The following NOTO variants were observed in gnomAD, a reference collection of about 807,000 sequenced individuals.
NOTO encodes the protein homeobox protein notochord.
Under a neutral mutation model 20.5 loss-of-function variants are expected in NOTO, and 19 were observed. The ratio of observed to expected loss-of-function variants is 0.93; its 90% CI spans 0.65 to 1.36. The LOEUF (loss-of-function observed/expected upper bound fraction) is 1.36. Ranked by LOEUF, NOTO falls within the 40% of genes most tolerant of loss-of-function variation. The pLI is 0.00. For missense variants in NOTO, 369 were observed against 336.2 expected, an observed-to-expected ratio of 1.10 and a Z score of -0.76; for synonymous variants, 150 against 150.2, an observed-to-expected ratio of 1.00 and a Z score of 0.01.
intron 1 of NOTO, among the ~76,000 whole-genome samples, chr2:73,206,647 GT>G (rs1354380249): frequency 6.6e-6 from 1 of 151,900 alleles, no homozygotes; most frequent in African/African-American, 2.4e-5. Flanking sequence ...ACAGCACCAT[GT>G]TAAAATCCTG....
rs1371620310 is a variant in NOTO at position 73,208,569 on chromosome 2, G to A, written c.552G>A (p.Lys184=). ...CAAAACAGCACAATCTGGTGGGGAA[G>A]AAGAGAGCCCAGCTGGCAGCTCGGC... ...VFAKQHNLVG[K]KRAQLAARLK... is the part of the protein sequence containing the mutation. Residue 184 remains lysine, a synonymous_variant, in exon 2 of 3, where the codon AAG becomes AAA. Coordinates refer to ENST00000398468, the MANE Select transcript of NOTO (RefSeq NM_001134462.2). The A allele has an allele frequency of 1.3e-6, 2 of 1,551,574 alleles. No homozygotes were observed. The highest frequency in any genetic ancestry group is 1.4e-5 in the African/African-American group (1 of 73,178).
intron 1 of NOTO, among the ~76,000 whole-genome samples, chr2:73,204,971 C>G (rs1558547058): frequency 6.6e-6 from 1 of 150,604 alleles, no homozygotes; most frequent in African/African-American, 2.5e-5. Context: ...AGCTCCGCCT[C>G]CCGGGTTCAC....
intron 1 of NOTO, among the ~76,000 whole-genome samples, chr2:73,204,864 C>T (rs1426743115): frequency 7.1e-6 from 1 of 140,344 alleles, no homozygotes; most frequent in Non-Finnish European, 1.5e-5. Flanking sequence ...GCACCATGCC[C>T]GGCTAATTTT....
chr2:73,203,161 C>G (rs1686031340), intron 1 of NOTO, 113 bp downstream of exon 1: 7 of 935,166 alleles, frequency 7.5e-6, no homozygotes, highest in Admixed American at 4.2e-5. Context: ...GAATCACACA[C>G]GGCTGGAGTG....
rs959495641 is a variant in NOTO at position 73,202,882 on chromosome 2, C to T, written c.216C>T (p.Ala72=). 5 of 1,527,858 alleles carry T rather than the reference C, an allele frequency of 3.3e-6. No homozygotes were observed. The African/African-American group carries it at 7.1e-5, about 22-fold the overall frequency. The allele number at this position is 1,527,858 out of a possible 1,614,324, so 94.6% of individuals were successfully genotyped here. ...CGGCCTCCCAGCCGTCGGGCTCCGC[C>T]TGCGTCCACCCGGCCTTCTGGACCG... ...APAASQPSGS[A]CVHPAFWTAA... The change falls in exon 1 of 3, where the codon GCC becomes GCT. Residue 72 remains alanine (A), a synonymous_variant. Coordinates refer to ENST00000398468, the MANE Select transcript of NOTO (RefSeq NM_001134462.2).
intron 1 of NOTO, among the ~76,000 whole-genome samples, chr2:73,204,785 ACCT>A (rs1558546947): frequency 6.7e-6 from 1 of 150,336 alleles, no homozygotes; most frequent in Non-Finnish European, 1.5e-5. Context: ...GCTCACTACA[ACCT>A]CCTCCTTCCG....
intron 2 of NOTO, among the ~76,000 whole-genome samples, chr2:73,209,982 C>G (rs757386955): frequency 1.2e-4 from 19 of 152,168 alleles, no homozygotes; most frequent in Admixed American, 2.6e-4. Context: ...CTTCACTTCT[C>G]TCTGTCACCC....
At chr2:73,208,352 A>AT (rs1268036657) in intron 1 of NOTO, 48 bp from the exon 2 acceptor site, 2 of 1,364,082 alleles carry the variant, frequency 1.5e-6, no homozygotes, top group Non-Finnish European at 2.0e-6. Flanking sequence ...CTTCTGGCTA[A>AT]CCTCCCCTGC....
At chr2:73,204,133 G>A (rs1686051624) in intron 1 of NOTO, among the ~76,000 whole-genome samples, 1 of 145,102 alleles carries the variant, frequency 6.9e-6, no homozygotes, top group South Asian at 2.2e-4. Flanking sequence ...AAAAAATTAG[G>A]AGGGCGTGGT....
chr2:73,206,586 A>C (rs1262998991), intron 1 of NOTO, among the ~76,000 whole-genome samples: 3 of 151,696 alleles, frequency 2.0e-5, no homozygotes, highest in Non-Finnish European at 2.9e-5. Context: ...CGATGGGCCC[A>C]TCTCAGTCTC....
At position 73,208,402 on chromosome 2, in the gene NOTO, T is replaced by C; in HGVS notation, c.385T>C (p.Leu129=). 1 of 1,549,814 alleles carries C rather than the reference T, an allele frequency of 6.5e-7. No homozygotes were observed. Among genetic ancestry groups the C allele is most frequent in the Non-Finnish European group, 8.7e-7 (1 of 1,145,850 alleles). The part of the protein sequence containing the change: ...CGLLGFGVTG[L]ELAHCSGLWA... Reference sequence around the variant, plus strand: ...CCCTGCTGCTGGTTGCTCTTTAGGGTTGGAGCTGGCTCACTGCTCAGGACT... The same window carrying C: ...CCCTGCTGCTGGTTGCTCTTTAGGGCTGGAGCTGGCTCACTGCTCAGGACT... Residue 129 remains leucine (L), a splice_region_variant and synonymous_variant, in exon 2 of 3, where the codon TTG becomes CTG. Transcript: ENST00000398468.
rs1463846925 is a variant in NOTO, at chr2:73,208,574, G to T, written c.557G>T (p.Arg186Ile). 2 of 1,551,528 alleles carry T rather than the reference G, an allele frequency of 1.3e-6. No individual in the cohort carries two copies. Among genetic ancestry groups the T allele is most frequent in the East Asian group, 4.9e-5 (2 of 40,918 alleles). The change falls in exon 2 of 3, where the codon AGA becomes ATA. Residue 186 changes from arginine to isoleucine, a missense_variant. Physicochemically the swap from Arg to Ile is moderately conservative, Grantham distance 97 (BLOSUM62 -3). Transcript: ENST00000398468. Reference sequence around the variant, plus strand: ...CAGCACAATCTGGTGGGGAAGAAGAGAGCCCAGCTGGCAGCTCGGCTCAAA... The same window carrying T: ...CAGCACAATCTGGTGGGGAAGAAGATAGCCCAGCTGGCAGCTCGGCTCAAA... ...AKQHNLVGKK[R>I]AQLAARLKLT...
chr2:73,204,979 C>T (rs968081448), intron 1 of NOTO, among the ~76,000 whole-genome samples: 2 of 150,670 alleles, frequency 1.3e-5, no homozygotes, highest in East Asian at 2.0e-4. Context: ...CTCCCGGGTT[C>T]ACGCCATTCT....
chr2:73,209,451 C>T (rs1686138008), intron 2 of NOTO, among the ~76,000 whole-genome samples: 1 of 149,960 alleles, frequency 6.7e-6, no homozygotes, highest in African/African-American at 2.5e-5. Context: ...CCAGAGCCAA[C>T]AATATGACAC....
chr2:73,204,678 A>G (rs1686062245), intron 1 of NOTO, among the ~76,000 whole-genome samples: 1 of 151,948 alleles, frequency 6.6e-6, no homozygotes, highest in Admixed American at 6.6e-5. Context: ...CAGTTGCCTC[A>G]TTTTCAAGTT....
rs1686196383 is a variant in NOTO at position 73,212,334 on chromosome 2, C to T, written c.*1405C>T. The stretch of plus-strand genomic sequence containing the variant: ...TAATTTTTAACATTTTTTGTAGAGA[C>T]AACGTCCACTTGTTGCCCAGGCTGG... On this transcript the variant is annotated 3_prime_UTR_variant, in exon 3 of 3. Transcript: ENST00000398468. The T allele has an allele frequency of 6.6e-6, 1 of 152,202 alleles. No homozygotes were observed. Among genetic ancestry groups the T allele is most frequent in the Non-Finnish European group, 1.5e-5 (1 of 68,040 alleles). 9.4% of individuals were successfully genotyped at this position (152,202 alleles called of 1,614,324 possible).
chr2:73,203,866 C>CAG (rs1489117153), intron 1 of NOTO, among the ~76,000 whole-genome samples: 236 of 88,908 alleles, frequency 2.7e-3, no homozygotes, highest in African/African-American at 6.3e-3. Context: ...TTTGGGAGGC[C>CAG]GAGACGGGCG....
intron 1 of NOTO, among the ~76,000 whole-genome samples, chr2:73,205,530 G>C (rs1286093390): frequency 1.3e-5 from 2 of 152,150 alleles, no homozygotes; most frequent in Non-Finnish European, 2.9e-5. Flanking sequence ...CCCTTTAACT[G>C]TAATGAACTA....
At position 73,208,583 on chromosome 2, in the gene NOTO, T is replaced by G; in HGVS notation, c.566T>G (p.Leu189Arg). 6.4e-7 allele frequency: 1 copy of G among 1,551,392 alleles called. No individual in the cohort carries two copies. The change falls in exon 2 of 3, where the codon CTG (leucine) becomes CGG (arginine). Residue 189 changes from leucine to arginine, a missense_variant. Physicochemically the swap from Leu to Arg is moderately radical, Grantham distance 102. Coordinates refer to ENST00000398468, the MANE Select transcript of NOTO (RefSeq NM_001134462.2). ...HNLVGKKRAQ[L>R]AARLKLTENQ... ...CTGGTGGGGAAGAAGAGAGCCCAGCTGGCAGCTCGGCTCAAACTTACAGAG... is the reference window on the plus strand; with the variant it reads ...CTGGTGGGGAAGAAGAGAGCCCAGCGGGCAGCTCGGCTCAAACTTACAGAG...
Sources: gnomAD v4.1 joint callset for allele counts (sites outside exome capture counted in the v4.1 genomes callset) on GRCh38, gnomAD v4.1.1 for gene constraint, MANE v1.5 for transcripts, NCBI Gene and HGNC (gene_info 2026-07-23, HGNC 2026-07-21) for gene names.